The following DCAF8 variants were observed in gnomAD, a reference collection of about 807,000 sequenced individuals.
DCAF8 encodes the protein DDB1 and CUL4 associated factor 8.
DCAF8 carries 20 observed loss-of-function variants against 68.0 expected under a neutral mutation model. The observed-to-expected ratio is 0.29, with a 90% CI of 0.21 to 0.43. DCAF8 has a LOEUF of 0.43. Ranked by LOEUF, DCAF8 falls within the 20% of genes least tolerant of loss-of-function variation. The pLI, the probability that DCAF8 is intolerant of heterozygous loss-of-function variation, is 1.00. For missense variants in DCAF8, 460 were observed against 771.0 expected (o/e 0.60, Z 4.78); for synonymous variants, 230 against 276.9 (o/e 0.83, Z 1.68).
chr1:160,249,513 A>G (rs1656492562), intron 2 of DCAF8, among the ~76,000 whole-genome samples: 1 of 152,040 alleles, frequency 6.6e-6, no homozygotes, highest in African/African-American at 2.4e-5. Flanking sequence ...GAATTTATAC[A>G]AGAAAAAAGA....
chr1:160,218,309 C>T lies in DCAF8; in HGVS notation c.1677+15G>A, dbSNP rs777574276. On this transcript the variant is annotated intron_variant, in intron 13 of 13. Transcript: ENST00000368074. ...GGGTCACTCCCTTGGGAATTCATTTCCAACCCTAGCTTACCCGGTGATGGC... is the reference window on the plus strand; with the variant it reads ...GGGTCACTCCCTTGGGAATTCATTTTCAACCCTAGCTTACCCGGTGATGGC... 34 of 1,606,606 alleles carry T rather than the reference C, an allele frequency of 2.1e-5. No homozygotes were observed. Among genetic ancestry groups the T allele is most frequent in the Non-Finnish European group, 2.8e-5 (33 of 1,173,164 alleles).
Position 160,225,058 on chromosome 1 carries a change from G to C in DCAF8, c.1201+4C>G. ...AGCCTAGGAGCTGGGCCCTGCTCAC[G>C]TACCTGTGCCGTCGTGGCTGTACAC... On this transcript the variant is annotated splice_donor_region_variant and intron_variant, in intron 9 of 13. Coordinates refer to ENST00000368074, the MANE Select transcript of DCAF8 (RefSeq NM_015726.4). 1 of 1,614,170 alleles carries C rather than the reference G, an allele frequency of 6.2e-7. No homozygotes were observed. The highest frequency in any genetic ancestry group is 1.3e-5 in the African/African-American group (1 of 75,058).
chr1:160,245,212 A>G (rs1656270961), intron 2 of DCAF8, among the ~76,000 whole-genome samples: 1 of 152,240 alleles, frequency 6.6e-6, no homozygotes, highest in Non-Finnish European at 1.5e-5. Context: ...TTATGCCACT[A>G]TAAAACATTC....
intron 4 of DCAF8, 43 bp from the exon 5 acceptor site, chr1:160,238,790 A>C: frequency 6.4e-7 from 1 of 1,553,020 alleles, no homozygotes; most frequent in Non-Finnish European, 8.7e-7. Context: ...AAAAGAAATG[A>C]GAGAGGTAAA....
intron 4 of DCAF8, chr1:160,239,019 C>CTGTA: frequency 2.2e-6 from 1 of 460,672 alleles, no homozygotes; most frequent in Non-Finnish European, 3.3e-6. Context: ...TGAACTAGGA[C>CTGTA]TGTATCTAGC....
intron 2 of DCAF8, among the ~76,000 whole-genome samples, chr1:160,255,801 G>A (rs1301729074): frequency 2.7e-5 from 4 of 150,236 alleles, no homozygotes. Context: ...TATATTTTTA[G>A]TAGACACAGG....
At chr1:160,224,619 G>T in intron 9 of DCAF8, 70 bp from the exon 10 acceptor site, 2 of 1,247,468 alleles carry the variant, frequency 1.6e-6, no homozygotes, top group Non-Finnish European at 2.4e-6. Context: ...GTGGGGGTTG[G>T]GGTGGGGCTT....
intron 2 of DCAF8, among the ~76,000 whole-genome samples, chr1:160,256,112 C>T (rs1234982256): frequency 2.0e-5 from 3 of 149,946 alleles, no homozygotes; most frequent in Non-Finnish European, 3.0e-5. Context: ...CTCAGCCCCC[C>T]GAGTAGTTGG....
rs1373868718 is a variant in DCAF8 at position 160,239,908 on chromosome 1, T to C, written c.512A>G (p.Tyr171Cys). Residue 171 changes from tyrosine (Y) to cysteine (C), a missense_variant, in exon 4 of 14, where the codon TAT becomes TGT. Physicochemically the swap from Tyr to Cys is radical, Grantham distance 194 (BLOSUM62 -2). Coordinates refer to ENST00000368074, the MANE Select transcript of DCAF8 (RefSeq NM_015726.4). ...AAAGACTCTTGCCCCACAGGCCTCA[T>C]AGACAAAGCGGGCACTTGAACCCAG... is the stretch of plus-strand genomic sequence containing the variant. ...RELGSSARFVYEACGARVFVQ... is the reference protein window; with the variant it reads ...RELGSSARFVCEACGARVFVQ... 4 of 1,614,092 alleles carry C rather than the reference T, an allele frequency of 2.5e-6. No homozygotes were observed. Among genetic ancestry groups the C allele is most frequent in the Admixed American group, 3.3e-5 (2 of 60,012 alleles).
At position 160,240,294 on chromosome 1, in the gene DCAF8, C is replaced by A. The variant is rs1459054370; in HGVS notation, c.126G>T (p.Glu42Asp). The A allele has an allele frequency of 1.2e-6, 2 of 1,614,024 alleles. No homozygotes were observed. The highest frequency in any genetic ancestry group is 3.3e-5 in the Admixed American group (2 of 60,016). ...TCAAGCTCAAACTCAGGTCTGAGGCCTCCACTTCAATGCCTGAGGATGTCT... is the reference window on the plus strand; with the variant it reads ...TCAAGCTCAAACTCAGGTCTGAGGCATCCACTTCAATGCCTGAGGATGTCT... ...GRETSSGIEV[E>D]ASDLSLSLTG... The change falls in exon 4 of 14, where the codon GAG becomes GAT. Residue 42 changes from glutamate (E) to aspartate (D), a missense_variant. By Grantham distance (45) the Glu-to-Asp change is conservative (BLOSUM62 2). Around this residue, in one of 8 missense-constraint regions of DCAF8, gnomAD observed 156 missense variants for 181.4 expected, o/e 0.86. Transcript: ENST00000368074.
chr1:160,250,007 C>T (rs185994727), intron 2 of DCAF8, among the ~76,000 whole-genome samples: 174 of 152,218 alleles, frequency 1.1e-3, no homozygotes, highest in African/African-American at 3.9e-3. Flanking sequence ...AAACTGACTA[C>T]GAAAGGGCAT....
At chr1:160,256,902 T>C (rs1656857953) in intron 2 of DCAF8, among the ~76,000 whole-genome samples, 2 of 151,300 alleles carry the variant, frequency 1.3e-5, no homozygotes, top group Non-Finnish European at 3.0e-5. Context: ...GAGGTAGAGA[T>C]AAAAAAAAAC....
intron 8 of DCAF8, 29 bp from the exon 9 acceptor site, chr1:160,225,148 G>A (rs775530217): frequency 6.2e-7 from 1 of 1,607,098 alleles, no homozygotes; most frequent in Admixed American, 1.7e-5. Flanking sequence ...ACTGACTGAT[G>A]CCCCACCCCC....
intron 8 of DCAF8, 151 bp from the exon 9 acceptor site, chr1:160,225,270 A>G: frequency 1.3e-6 from 1 of 770,852 alleles, no homozygotes; most frequent in East Asian, 2.7e-5. Flanking sequence ...ATGAAACATG[A>G]CCACCTCAGG....
chr1:160,218,177 A>G (rs1033787654), intron 13 of DCAF8, 147 bp downstream of exon 13: 20 of 699,000 alleles, frequency 2.9e-5, no homozygotes, highest in Admixed American at 6.5e-5. Context: ...TTCCAAGGCT[A>G]TATCAGGGAT....
At chr1:160,238,559 CCA>C (rs750923596) in intron 5 of DCAF8, 46 bp downstream of exon 5, 1 of 1,532,964 alleles carries the variant, frequency 6.5e-7, no homozygotes, top group East Asian at 2.4e-5. Context: ...TGGCTGAGAA[CCA>C]CAGAGGATTT....
intron 2 of DCAF8, among the ~76,000 whole-genome samples, chr1:160,255,493 A>G (rs1373503478): frequency 1.3e-5 from 2 of 152,212 alleles, no homozygotes; most frequent in Non-Finnish European, 2.9e-5. Flanking sequence ...AGCAATCACC[A>G]TGGATAATGA....
intron 11 of DCAF8, among the ~76,000 whole-genome samples, chr1:160,221,739 A>G (rs1448130069): frequency 6.6e-6 from 1 of 151,716 alleles, no homozygotes; most frequent in Non-Finnish European, 1.5e-5. Flanking sequence ...TAGTCTTCCA[A>G]ACTGTGTTTT....
chr1:160,240,696 C>A (rs934459962), intron 3 of DCAF8, among the ~76,000 whole-genome samples: 1 of 152,204 alleles, frequency 6.6e-6, no homozygotes, highest in Admixed American at 6.5e-5. Context: ...CTACCATTGG[C>A]TCTGTTGTAT....
Sources: gnomAD v4.1 joint callset for allele counts (sites outside exome capture counted in the v4.1 genomes callset) on GRCh38, gnomAD v4.1.1 for gene constraint, gnomAD v4.1.1 regional missense constraint, MANE v1.5 for transcripts, NCBI Gene and HGNC (gene_info 2026-07-23, HGNC 2026-07-21) for gene names.